CENPP: variants seen among roughly 807,000 people sequenced by gnomAD.
CENPP encodes centromere protein P.
A neutral mutation model predicts 35.6 loss-of-function variants in CENPP; 24 were observed. The ratio of observed to expected loss-of-function variants is 0.67; its 90% CI spans 0.49 to 0.95. CENPP has a LOEUF of 0.95. Ranked by LOEUF, CENPP falls within the 40% of genes least tolerant of loss-of-function variation. The probability of loss-of-function intolerance (pLI) is 0.00; values close to 1 mark genes in which losing one functional copy is unlikely to be tolerated. For synonymous variants in CENPP, 120 were observed against 125.5 expected, an observed-to-expected ratio of 0.96 and a Z score of 0.29; for missense variants, 332 against 345.3, an observed-to-expected ratio of 0.96 and a Z score of 0.31.
chr9:92,461,131 TTATC>T (rs1357568142), intron 5 of CENPP, among the ~76,000 whole-genome samples: 1 of 152,212 alleles, frequency 6.6e-6, no homozygotes, highest in Non-Finnish European at 1.5e-5. Context: ...ATTGATCTGT[TTATC>T]TATTTTTATT....
At chr9:92,430,987 G>C (rs888586228) in intron 5 of CENPP, among the ~76,000 whole-genome samples, 2 of 151,906 alleles carry the variant, frequency 1.3e-5, no homozygotes, top group Non-Finnish European at 2.9e-5. Flanking sequence ...GTAGAGACAG[G>C]GTTTCACCAT....
At chr9:92,351,347 G>T (rs1032769183) in intron 4 of CENPP, among the ~76,000 whole-genome samples, 1 of 151,976 alleles carries the variant, frequency 6.6e-6, no homozygotes, top group African/African-American at 2.4e-5. Flanking sequence ...GGGCATGGTG[G>T]CACGTGACTG....
intron 5 of CENPP, among the ~76,000 whole-genome samples, chr9:92,478,464 G>A (rs1226694256): frequency 6.6e-6 from 1 of 152,004 alleles, no homozygotes; most frequent in Non-Finnish European, 1.5e-5. Flanking sequence ...TTGTTTGTTT[G>A]TTTGTTCGAG....
chr9:92,408,588 G>A lies in CENPP; in HGVS notation c.564+28729G>A, dbSNP rs77396211. Among the ~76,000 whole-genome samples, 707 of 152,142 alleles carry A rather than the reference G, an allele frequency of 4.6e-3. 4 individuals are homozygous for A. Among genetic ancestry groups the A allele is most frequent in the African/African-American group, 0.015 (614 of 41,502 alleles). On this transcript the variant is annotated intron_variant, in intron 5 of 7. Coordinates refer to ENST00000375587, the MANE Select transcript of CENPP (RefSeq NM_001012267.3). ...CGATTGAACTTTTATCGATTGAATC[G>A]GGTTACTACAGAGTTCCTCAGCCTC...
At chr9:92,493,915 T>C in intron 5 of CENPP, 1 of 486,780 alleles carries the variant, frequency 2.1e-6, no homozygotes. Flanking sequence ...ACAGTGCGTC[T>C]GCTCCACAGG....
At chr9:92,525,224 A>G (rs944847292) in intron 5 of CENPP, among the ~76,000 whole-genome samples, 2 of 152,084 alleles carry the variant, frequency 1.3e-5, no homozygotes, top group African/African-American at 2.4e-5. Flanking sequence ...AGGCTGAGGC[A>G]GGAGGCTCAC....
intron 5 of CENPP, among the ~76,000 whole-genome samples, chr9:92,577,377 T>C (rs1432692703): frequency 6.6e-6 from 1 of 152,122 alleles, no homozygotes; most frequent in African/African-American, 2.4e-5. Flanking sequence ...TAGCTGGGCA[T>C]GGTGGCGGGC....
intron 5 of CENPP, among the ~76,000 whole-genome samples, chr9:92,606,625 G>A (rs1262568085): frequency 5.3e-5 from 8 of 152,196 alleles, no homozygotes; most frequent in Non-Finnish European, 1.0e-4. Flanking sequence ...GCCAAAAAGG[G>A]CAAGGCACAG....
intron 5 of CENPP, among the ~76,000 whole-genome samples, chr9:92,488,270 A>C (rs1269215656): frequency 6.6e-6 from 1 of 152,220 alleles, no homozygotes; most frequent in Non-Finnish European, 1.5e-5. Flanking sequence ...AAGGGGGAAT[A>C]AATGCTAAAT....
intron 5 of CENPP, among the ~76,000 whole-genome samples, chr9:92,531,066 T>C (rs1217921867): frequency 6.6e-6 from 1 of 152,200 alleles, no homozygotes; most frequent in African/African-American, 2.4e-5. Flanking sequence ...GTGGAGTTTT[T>C]TAATGCAGTT....
intron 5 of CENPP, among the ~76,000 whole-genome samples, chr9:92,428,297 G>A (rs10992336): frequency 6.6e-6 from 1 of 152,134 alleles, no homozygotes; most frequent in Non-Finnish European, 1.5e-5. Flanking sequence ...CTTTAAATTA[G>A]TACCTTCTCA....
At chr9:92,611,947 C>T (rs1851267072) in intron 6 of CENPP, among the ~76,000 whole-genome samples, 1 of 152,224 alleles carries the variant, frequency 6.6e-6, no homozygotes, top group African/African-American at 2.4e-5. Context: ...TCATGTGGTC[C>T]TTATGCAGGC....
chr9:92,384,648 G>A (rs897271515), intron 5 of CENPP: 3 of 152,092 alleles, frequency 2.0e-5, no homozygotes, highest in African/African-American at 7.2e-5. Flanking sequence ...AAGCTTTATT[G>A]TGAATATTCA....
At chr9:92,361,432 T>C (rs150086560) in intron 4 of CENPP, among the ~76,000 whole-genome samples, 4,596 of 143,634 alleles carry the variant, frequency 0.032, 248 homozygotes, top group African/African-American at 0.11. Flanking sequence ...TGAGCCACCG[T>C]ACCTGGCCTT....
At chr9:92,520,663 A>T (rs1403769796) in intron 5 of CENPP, among the ~76,000 whole-genome samples, 2 of 152,240 alleles carry the variant, frequency 1.3e-5, no homozygotes, top group African/African-American at 4.8e-5. Flanking sequence ...ATTAATGTTC[A>T]TAGCTGTGTT....
chr9:92,342,362 G>GA (rs560323540), intron 3 of CENPP, among the ~76,000 whole-genome samples: 5 of 152,248 alleles, frequency 3.3e-5, no homozygotes, highest in South Asian at 2.1e-4. Flanking sequence ...GATGCAGGGG[G>GA]AAAAAAATCT....
rs949558696 is a variant in CENPP at position 92,535,436 on chromosome 9, C to T, written c.565-75878C>T. Among the ~76,000 whole-genome samples, 3 of 152,088 alleles carry T rather than the reference C, an allele frequency of 2.0e-5. No individual in the cohort carries two copies. In the South Asian group the frequency reaches 6.2e-4, roughly 32 times the overall value. The stretch of plus-strand genomic sequence containing the variant: ...GTAATTTTTTTCCTTCTAGCACTTA[C>T]TGTGTTTATCCCAACATTAAATATT... On this transcript the variant is annotated intron_variant, in intron 5 of 7. Transcript: ENST00000375587.
chr9:92,434,624 A>G (rs1257431047), intron 5 of CENPP, among the ~76,000 whole-genome samples: 1 of 152,224 alleles, frequency 6.6e-6, no homozygotes, highest in Non-Finnish European at 1.5e-5. Flanking sequence ...TGGAGAAGGA[A>G]TCATCTTTTT....
At chr9:92,424,481 CT>C (rs1843906809) in intron 5 of CENPP, 2 of 152,286 alleles carry the variant, frequency 1.3e-5, no homozygotes, top group Admixed American at 6.5e-5. Flanking sequence ...TGGCTTACTT[CT>C]TTCTTTTCCC....
Sources: allele counts gnomAD v4.1 joint callset (sites outside exome capture counted in the v4.1 genomes callset), GRCh38; gene constraint gnomAD v4.1.1; transcripts MANE v1.5; gene names NCBI Gene and HGNC (gene_info 2026-07-23, HGNC 2026-07-21).